The following CEP85L variants were observed in gnomAD, a reference collection of about 807,000 sequenced individuals.
The protein encoded by CEP85L is centrosomal protein of 85 kDa-like.
In CEP85L, 60 loss-of-function variants were observed where a neutral mutation model predicts 100.3. That is an observed-to-expected ratio of 0.60 (90% CI 0.49 to 0.74). The LOEUF is 0.74. CEP85L is among the 30% of genes least tolerant of loss of function. CEP85L has a pLI of 0.00. For synonymous variants in CEP85L, 319 were observed against 322.7 expected (o/e 0.99, Z 0.12); for missense variants, 973 against 936.2 (o/e 1.04, Z -0.51).
At chr6:118,576,397 A>C (rs1780235758) in intron 2 of CEP85L, among the ~76,000 whole-genome samples, 1 of 152,258 alleles carries the variant, frequency 6.6e-6, no homozygotes, top group Admixed American at 6.5e-5. Flanking sequence ...CCACCACACA[A>C]GTGAAGAAGG....
chr6:118,482,984 C>T (rs1221484224), intron 7 of CEP85L, among the ~76,000 whole-genome samples: 2 of 152,130 alleles, frequency 1.3e-5, no homozygotes, highest in African/African-American at 2.4e-5. Context: ...CGAGAAGGAG[C>T]ACTGCTATTG....
At chr6:118,597,251 G>A (rs1397494562) in intron 2 of CEP85L, among the ~76,000 whole-genome samples, 1 of 152,100 alleles carries the variant, frequency 6.6e-6, no homozygotes, top group Admixed American at 6.6e-5. Flanking sequence ...CCTTGATCTT[G>A]AAACTCTGAC....
chr6:118,491,587 C>G, intron 6 of CEP85L, 99 bp downstream of exon 6: 1 of 1,496,028 alleles, frequency 6.7e-7, no homozygotes, highest in Non-Finnish European at 8.9e-7. Context: ...TAAATGTATA[C>G]ATAACCTGGC....
intron 2 of CEP85L, among the ~76,000 whole-genome samples, chr6:118,575,361 C>T (rs766798791): frequency 6.6e-6 from 1 of 152,158 alleles, no homozygotes; most frequent in Non-Finnish European, 1.5e-5. Context: ...AGTTTTCTGG[C>T]CAAGGTTTGA....
intron 3 of CEP85L, among the ~76,000 whole-genome samples, chr6:118,561,240 C>G (rs1363255637): frequency 1.3e-5 from 2 of 152,162 alleles, no homozygotes; most frequent in East Asian, 3.9e-4. Flanking sequence ...ACTCACCTCA[C>G]TGGTTTTAGT....
chr6:118,562,396 C>A (rs943341611), intron 3 of CEP85L, among the ~76,000 whole-genome samples: 7 of 151,812 alleles, frequency 4.6e-5, no homozygotes, highest in African/African-American at 1.5e-4. Flanking sequence ...CAGGGTGTTA[C>A]TCTGTCATGC....
Position 118,462,309 on chromosome 6 carries a change from GTTTT to G in CEP85L, c.*3092_*3095del, listed in dbSNP as rs1311701709. ...ACCTAGCCAGTATTTGTGGTTTTTT[GTTTT>G]TGTTTAATTAGAGGCCACTGAAAAT... On this transcript the variant is annotated 3_prime_UTR_variant, in exon 13 of 13. Coordinates refer to ENST00000368491, the MANE Select transcript of CEP85L (RefSeq NM_001042475.3). The G allele has an allele frequency of 6.6e-6, 1 of 151,922 alleles. No homozygotes were observed. The highest frequency in any genetic ancestry group is 6.6e-5 in the Admixed American group (1 of 15,260). 9.4% of individuals were successfully genotyped at this position (151,922 alleles called of 1,614,324 possible).
At chr6:118,702,775 T>A (rs1196549794) in intron 1 of CEP85L, among the ~76,000 whole-genome samples, 1 of 152,130 alleles carries the variant, frequency 6.6e-6, no homozygotes, top group Non-Finnish European at 1.5e-5. Flanking sequence ...GGCAGGCGGA[T>A]CACGAAGTCA....
At chr6:118,689,164 T>A (rs1776947165) in intron 1 of CEP85L, among the ~76,000 whole-genome samples, 1 of 152,204 alleles carries the variant, frequency 6.6e-6, no homozygotes. Context: ...AGCCAAGTCT[T>A]TGTCTCAACC....
chr6:118,497,070 A>G lies in CEP85L; in HGVS notation c.1258-5205T>C, dbSNP rs1582912696. 2.0e-5 allele frequency among the ~76,000 whole-genome samples: 3 copies of G among 152,288 alleles called. No homozygotes were observed. The East Asian group carries it at 5.8e-4, about 29-fold the overall frequency. On this transcript the variant is annotated intron_variant, in intron 5 of 12. Coordinates refer to ENST00000368491, the MANE Select transcript of CEP85L (RefSeq NM_001042475.3). ...AGCATTAATTCCCAACCATAAAAAA[A>G]CCCGAACTGGGAAGAAATGGATAGC...
chr6:118,567,931 G>A (rs1047880099), intron 2 of CEP85L, among the ~76,000 whole-genome samples: 5 of 152,208 alleles, frequency 3.3e-5, no homozygotes. Context: ...AGCTTCTGAA[G>A]AAACTTCCTG....
intron 3 of CEP85L, among the ~76,000 whole-genome samples, chr6:118,530,049 T>C (rs375967887): frequency 1.3e-5 from 2 of 152,024 alleles, no homozygotes; most frequent in Admixed American, 6.6e-5. Context: ...TAAATAAAAA[T>C]AAAGTTTTAT....
intron 2 of CEP85L, among the ~76,000 whole-genome samples, 172 bp downstream of exon 2, chr6:118,632,281 G>T: frequency 6.6e-6 from 1 of 152,224 alleles, no homozygotes. Context: ...GAGCCACCGC[G>T]CCCGGTCGAT....
rs1054239756 is a variant in CEP85L, at chr6:118,464,706, AAG to A, written c.*697_*698del. On this transcript the variant is annotated 3_prime_UTR_variant, in exon 13 of 13. Coordinates refer to ENST00000368491, the MANE Select transcript of CEP85L (RefSeq NM_001042475.3). ...CACATACATTACAATGCTAAGGAAA[AAG>A]AGCATCACGTCAAAATTTCACACCT... 13 of 152,116 alleles carry A rather than the reference AAG, an allele frequency of 8.5e-5. No homozygotes were observed. Among genetic ancestry groups the A allele is most frequent in the Admixed American group, 6.6e-4 (10 of 15,250 alleles). 9.4% of individuals were successfully genotyped at this position (152,116 alleles called of 1,614,324 possible).
chr6:118,490,142 T>C (rs997083184), intron 6 of CEP85L, among the ~76,000 whole-genome samples: 2 of 152,158 alleles, frequency 1.3e-5, no homozygotes, highest in East Asian at 1.9e-4. Context: ...ATTCCACTTA[T>C]ATGAGATAAA....
chr6:118,618,185 T>G (rs1486662678), intron 2 of CEP85L, among the ~76,000 whole-genome samples: 2 of 152,158 alleles, frequency 1.3e-5, no homozygotes, highest in Non-Finnish European at 2.9e-5. Flanking sequence ...TTACTAAGCG[T>G]GAGACAGCCA....
chr6:118,609,242 A>G (rs1583160684), intron 2 of CEP85L, among the ~76,000 whole-genome samples: 1 of 152,110 alleles, frequency 6.6e-6, no homozygotes. Flanking sequence ...GAAAAGCAAG[A>G]ATTAAAGAAG....
At chr6:118,619,633 G>A (rs1343002118) in intron 2 of CEP85L, among the ~76,000 whole-genome samples, 1 of 152,170 alleles carries the variant, frequency 6.6e-6, no homozygotes, top group East Asian at 1.9e-4. Context: ...CTTACAAGCA[G>A]TAGGAGGAGA....
rs1219886794 is a variant in CEP85L, at chr6:118,462,095, TATGACATTC to T, written c.*3301_*3309del. Reference sequence around the variant, plus strand: ...TAAGCTCCTTAGTATATCAGAAATGTATGACATTCATTTTAGCAACACTTTCCAGCCCTT... The same window carrying T: ...TAAGCTCCTTAGTATATCAGAAATGTATTTTAGCAACACTTTCCAGCCCTT... On this transcript the variant is annotated 3_prime_UTR_variant, in exon 13 of 13. Coordinates refer to ENST00000368491, the MANE Select transcript of CEP85L (RefSeq NM_001042475.3). 1 of 152,072 alleles carries T rather than the reference TATGACATTC, an allele frequency of 6.6e-6. No individual in the cohort carries two copies. Among genetic ancestry groups the T allele is most frequent in the Non-Finnish European group, 1.5e-5 (1 of 67,908 alleles). 9.4% of individuals were successfully genotyped at this position (152,072 alleles called of 1,614,324 possible). A position where few individuals can be genotyped will look rare whatever the true frequency, so the allele number is the denominator to read the frequency against.
Sources: allele counts gnomAD v4.1 joint callset (sites outside exome capture counted in the v4.1 genomes callset), GRCh38; gene constraint gnomAD v4.1.1; transcripts MANE v1.5; gene names NCBI Gene and HGNC (gene_info 2026-07-23, HGNC 2026-07-21).